The following ADGRL3 variants were observed in gnomAD, a reference collection of about 807,000 sequenced individuals.
ADGRL3 encodes calcium-independent alpha-latrotoxin receptor 3.
A neutral mutation model predicts 153.5 loss-of-function variants in ADGRL3; 62 were observed. The observed-to-expected ratio is 0.40, with a 90% CI of 0.33 to 0.50. The LOEUF is 0.50. ADGRL3 is among the 20% of genes least tolerant of loss of function. ADGRL3 has a pLI of 0.47. For synonymous variants in ADGRL3, 710 were observed against 672.5 expected (o/e 1.06, Z -0.86); for missense variants, 1,641 against 1,859.4 (o/e 0.88, Z 2.16).
At chr4:61,786,850 T>C (rs1380842466) in intron 8 of ADGRL3, among the ~76,000 whole-genome samples, 2 of 152,162 alleles carry the variant, frequency 1.3e-5, no homozygotes, top group African/African-American at 4.8e-5. Context: ...ATATTTTATA[T>C]TGACAACTCT....
In ADGRL3 at chr4:61,983,485, G is replaced by A. The variant is rs201065924; in HGVS notation, c.3118G>A (p.Val1040Ile). The A allele has an allele frequency of 7.4e-4, 1,189 of 1,613,812 alleles. No homozygotes were observed. The highest frequency in any genetic ancestry group is 9.7e-4 in the Non-Finnish European group (1,142 of 1,179,868). The change falls in exon 19 of 27, where the codon GTT becomes ATT. Residue 1040 changes from valine (V) to isoleucine (I), a missense_variant. By Grantham distance (29) the Val-to-Ile change is conservative. Around this residue, in one of 5 missense-constraint regions of ADGRL3, gnomAD observed 734 missense variants for 797.0 expected, o/e 0.92. Transcript: ENST00000683033. Reference protein sequence around the residue: ...GVQLYIMLVEVFESEHSRRKY... With the variant: ...GVQLYIMLVEIFESEHSRRKY... ...GCAGCTTTATATCATGCTGGTGGAG[G>A]TTTTTGAGAGTGAACATTCACGTAG... is the stretch of plus-strand genomic sequence containing the variant.
intron 9 of ADGRL3, among the ~76,000 whole-genome samples, chr4:61,844,919 A>G (rs2098096320): frequency 6.6e-6 from 1 of 152,078 alleles, no homozygotes; most frequent in Non-Finnish European, 1.5e-5. Flanking sequence ...ATGTCAGTTA[A>G]AAACAGCAGA....
At chr4:61,268,288 C>T (rs778136977) in intron 1 of ADGRL3, among the ~76,000 whole-genome samples, 1 of 151,574 alleles carries the variant, frequency 6.6e-6, no homozygotes, top group Non-Finnish European at 1.5e-5. Flanking sequence ...GTGCAAAAGT[C>T]ACAGGCCTAA....
chr4:61,874,789 C>CTTTTTTTTTTTTT (rs11432355), intron 9 of ADGRL3, among the ~76,000 whole-genome samples: 1 of 61,518 alleles, frequency 1.6e-5, no homozygotes, highest in Non-Finnish European at 2.9e-5. Flanking sequence ...TCAAAATGCT[C>CTTTTTTTTTTTTT]TTTTTTTTTT....
intron 2 of ADGRL3, among the ~76,000 whole-genome samples, chr4:61,406,678 C>T (rs1037040144): frequency 1.4e-4 from 22 of 151,842 alleles, no homozygotes; most frequent in Admixed American, 6.6e-5. Context: ...AGTTATTAAA[C>T]ATTTGAAATA....
At chr4:61,655,238 T>C (rs1015791931) in intron 5 of ADGRL3, among the ~76,000 whole-genome samples, 2 of 152,170 alleles carry the variant, frequency 1.3e-5, no homozygotes, top group Admixed American at 6.5e-5. Flanking sequence ...TTAAGTAACT[T>C]GTAAGCTATA....
At chr4:61,787,439 C>T (rs962633077) in intron 8 of ADGRL3, among the ~76,000 whole-genome samples, 15 of 151,696 alleles carry the variant, frequency 9.9e-5, no homozygotes, top group Admixed American at 2.0e-4. Flanking sequence ...CAATATCTAG[C>T]GCTGTATGCT....
chr4:61,577,502 T>G (rs2149233309), intron 4 of ADGRL3, among the ~76,000 whole-genome samples: 1 of 152,066 alleles, frequency 6.6e-6, no homozygotes, highest in Non-Finnish European at 1.5e-5. Flanking sequence ...ATATTGATGT[T>G]TATATACTGC....
Position 62,006,506 on chromosome 4 carries a change from C to G in ADGRL3, c.3395+8241C>G, listed in dbSNP as rs185443817. ...TTGCAAGATAACTTGCTGGACATCT[C>G]AGTGCAGATGCTGAGTTGGAAGTTG... On this transcript the variant is annotated intron_variant, in intron 21 of 26. Coordinates refer to ENST00000683033, the MANE Select transcript of ADGRL3 (RefSeq NM_001387552.1). 2.5e-4 allele frequency among the ~76,000 whole-genome samples: 38 copies of G among 149,356 alleles called. No individual in the cohort carries two copies. The East Asian group carries it at 7.3e-3, about 29-fold the overall frequency.
intron 21 of ADGRL3, among the ~76,000 whole-genome samples, chr4:62,000,421 C>A (rs1240338136): frequency 3.3e-5 from 5 of 151,702 alleles, no homozygotes; most frequent in African/African-American, 9.7e-5. Context: ...GTGGGTGAAT[C>A]TTTATGATAT....
At chr4:62,054,632 A>G (rs1251049227) in intron 25 of ADGRL3, among the ~76,000 whole-genome samples, 2 of 151,588 alleles carry the variant, frequency 1.3e-5, no homozygotes, top group Non-Finnish European at 3.0e-5. Context: ...GATCACACCT[A>G]TAAGAAAAAG....
intron 2 of ADGRL3, among the ~76,000 whole-genome samples, chr4:61,438,956 C>G (rs571985953): frequency 6.6e-6 from 1 of 152,010 alleles, no homozygotes; most frequent in Non-Finnish European, 1.5e-5. Context: ...ATCCGCCCAC[C>G]TCTGCCTCCC....
At chr4:61,603,619 G>A (rs2099020837) in intron 5 of ADGRL3, among the ~76,000 whole-genome samples, 1 of 152,110 alleles carries the variant, frequency 6.6e-6, no homozygotes, top group Admixed American at 6.6e-5. Flanking sequence ...TTGGAATACA[G>A]CACTTATATC....
intron 9 of ADGRL3, among the ~76,000 whole-genome samples, chr4:61,822,719 G>A (rs1377531710): frequency 1.3e-5 from 2 of 152,102 alleles, no homozygotes; most frequent in Admixed American, 6.6e-5. Flanking sequence ...AGAGTAGAAT[G>A]ATCTGGTAGT....
intron 13 of ADGRL3, among the ~76,000 whole-genome samples, chr4:61,928,403 GTCC>G (rs2098803491): frequency 1.3e-5 from 2 of 151,912 alleles, no homozygotes; most frequent in Non-Finnish European, 2.9e-5. Flanking sequence ...TGTTTTTATG[GTCC>G]TCCTCAGCAA....
chr4:61,713,874 T>C (rs2096053914), intron 6 of ADGRL3, among the ~76,000 whole-genome samples: 1 of 152,180 alleles, frequency 6.6e-6, no homozygotes, highest in Admixed American at 6.6e-5. Context: ...AAAAGAATTA[T>C]TACTTTGGTT....
chr4:61,726,727 C>T (rs1385631735), intron 6 of ADGRL3, among the ~76,000 whole-genome samples: 1 of 151,968 alleles, frequency 6.6e-6, no homozygotes, highest in African/African-American at 2.4e-5. Context: ...ATTCTTTTAA[C>T]AATACTATTA....
At chr4:61,641,015 A>T (rs1158330071) in intron 5 of ADGRL3, among the ~76,000 whole-genome samples, 1 of 152,174 alleles carries the variant, frequency 6.6e-6, no homozygotes, top group African/African-American at 2.4e-5. Context: ...TAAACAGTTT[A>T]TATTTCCTAA....
intron 8 of ADGRL3, among the ~76,000 whole-genome samples, chr4:61,762,939 T>C (rs961679982): frequency 1.3e-5 from 2 of 152,152 alleles, no homozygotes; most frequent in Non-Finnish European, 2.9e-5. Flanking sequence ...CCTCTACATG[T>C]TTTTTAACAT....
Sources: gnomAD v4.1 joint callset for allele counts (sites outside exome capture counted in the v4.1 genomes callset) on GRCh38, gnomAD v4.1.1 for gene constraint, gnomAD v4.1.1 regional missense constraint, MANE v1.5 for transcripts, NCBI Gene and HGNC (gene_info 2026-07-23, HGNC 2026-07-21) for gene names.